CCBE1: variants seen among roughly 807,000 people sequenced by gnomAD.
The protein encoded by CCBE1 is collagen and calcium-binding EGF domain-containing protein 1.
A neutral mutation model predicts 50.0 loss-of-function variants in CCBE1; 37 were observed. The ratio of observed to expected loss-of-function variants is 0.74; its 90% CI spans 0.57 to 0.97. The LOEUF (loss-of-function observed/expected upper bound fraction) is 0.97, where lower values mean the gene tolerates loss of function less well. CCBE1 is among the 50% of genes least tolerant of loss of function. The pLI, the probability that CCBE1 is intolerant of heterozygous loss-of-function variation, is 0.00. For synonymous variants in CCBE1, 234 were observed against 203.7 expected (o/e 1.15, Z -1.27); for missense variants, 538 against 523.8 (o/e 1.03, Z -0.26).
At chr18:59,454,577 C>T (rs753408381) in intron 6 of CCBE1, among the ~76,000 whole-genome samples, 16 of 152,248 alleles carry the variant, frequency 1.1e-4, no homozygotes, top group Admixed American at 2.6e-4. Context: ...TTGCAATAGC[C>T]GTAGCTCACC....
At chr18:59,448,233 G>A (rs1910774615) in intron 6 of CCBE1, 130 bp from the exon 7 acceptor site, 2 of 1,330,254 alleles carry the variant, frequency 1.5e-6, no homozygotes, top group Non-Finnish European at 1.0e-6. Context: ...GAGCTAGTTA[G>A]AGCTCAGAGA....
intron 2 of CCBE1, among the ~76,000 whole-genome samples, chr18:59,542,533 T>C (rs918405848): frequency 2.0e-5 from 3 of 152,206 alleles, no homozygotes; most frequent in African/African-American, 4.8e-5. Flanking sequence ...AGTGATACTA[T>C]CAGCTTAATA....
At position 59,435,936 on chromosome 18, in the gene CCBE1, A is replaced by G. The variant is rs1490596112; in HGVS notation, c.1193T>C (p.Leu398Ser). Residue 398 changes from leucine (L) to serine (S), a missense_variant, in exon 11 of 11, where the codon TTG becomes TCG. Coordinates refer to ENST00000439986, the MANE Select transcript of CCBE1 (RefSeq NM_133459.4). ...TGGGTAGAAGTCTCTGGGGGCTCTC[A>G]AGTCTCTTGTCTCAGTTCTTCTTGG... is the stretch of plus-strand genomic sequence containing the variant. ...DHPRRTETRD[L>S]RAPRDFYP 6.2e-7 allele frequency: 1 copy of G among 1,614,078 alleles called. No homozygotes were observed.
chr18:59,559,817 T>C (rs746348231), intron 2 of CCBE1, among the ~76,000 whole-genome samples: 9 of 152,248 alleles, frequency 5.9e-5, no homozygotes, highest in Non-Finnish European at 1.3e-4. Context: ...GCACTGTGCA[T>C]GTCTCTCCCA....
intron 7 of CCBE1, among the ~76,000 whole-genome samples, chr18:59,447,709 G>T (rs553722760): frequency 2.7e-4 from 41 of 152,164 alleles, no homozygotes; most frequent in South Asian, 1.0e-3. Context: ...TTTTCATTTG[G>T]TTTTTTTAAC....
Position 59,448,044 on chromosome 18 carries a change from C to A in CCBE1, c.714G>T (p.Val238=). The A allele has an allele frequency of 6.2e-7, 1 of 1,614,158 alleles. No individual in the cohort carries two copies. The highest frequency in any genetic ancestry group is 8.5e-7 in the Non-Finnish European group (1 of 1,180,042). Residue 238 remains valine, a synonymous_variant, in exon 7 of 11, where the codon GTG becomes GTT. Transcript: ENST00000439986. ...DLGKYITGDK[V]LASNTYLPGP... ...CTGGAAGGTAGGTGTTTGAGGCCAG[C>A]ACCTTGTCACCAGTGATATACTTGC... is the stretch of plus-strand genomic sequence containing the variant.
intron 2 of CCBE1, among the ~76,000 whole-genome samples, chr18:59,642,086 ACAC>A (rs886435031): frequency 2.6e-5 from 4 of 152,224 alleles, no homozygotes; most frequent in African/African-American, 7.2e-5. Flanking sequence ...CATCAAAAAA[ACAC>A]CATAAACTTT....
intron 2 of CCBE1, among the ~76,000 whole-genome samples, chr18:59,597,714 T>C (rs62094362): frequency 1.3e-5 from 2 of 152,176 alleles, no homozygotes; most frequent in Admixed American, 1.3e-4. Context: ...TGTTTCTTCA[T>C]CTTTGGTCTC....
chr18:59,624,835 C>T (rs2053758978), intron 2 of CCBE1, among the ~76,000 whole-genome samples: 1 of 152,238 alleles, frequency 6.6e-6, no homozygotes, highest in Non-Finnish European at 1.5e-5. Flanking sequence ...ACCACCTGGG[C>T]TGTTTCTTTG....
At chr18:59,457,113 C>T (rs1037239457) in intron 5 of CCBE1, among the ~76,000 whole-genome samples, 1 of 152,184 alleles carries the variant, frequency 6.6e-6, no homozygotes, top group African/African-American at 2.4e-5. Flanking sequence ...TGAACCTCTG[C>T]AAAAGTGGCA....
At chr18:59,461,253 C>T (rs1045206753) in intron 5 of CCBE1, among the ~76,000 whole-genome samples, 9 of 151,702 alleles carry the variant, frequency 5.9e-5, no homozygotes, top group African/African-American at 1.2e-4. Context: ...TCCCCTTCCC[C>T]GCCACCACTG....
At chr18:59,497,407 C>T (rs189110931) in intron 2 of CCBE1, among the ~76,000 whole-genome samples, 15 of 152,252 alleles carry the variant, frequency 9.9e-5, no homozygotes, top group Middle Eastern at 3.4e-3. Context: ...AACAACATCA[C>T]GCCCTTTAAA....
intron 2 of CCBE1, among the ~76,000 whole-genome samples, chr18:59,658,347 AAAAAAAAATATATATATATATATAT>A (rs2054223603): frequency 8.8e-5 from 3 of 34,082 alleles, no homozygotes; most frequent in African/African-American, 1.3e-4. Flanking sequence ...AAAAAAAAAA[AAAAAAAAATATATATATATATATAT>A]ATATATATAT....
At chr18:59,565,084 G>A (rs542522681) in intron 2 of CCBE1, among the ~76,000 whole-genome samples, 3 of 152,348 alleles carry the variant, frequency 2.0e-5, no homozygotes, top group Admixed American at 2.0e-4. Flanking sequence ...GCACAGGGGA[G>A]AACAGACAGT....
At chr18:59,600,625 C>T (rs535695474) in intron 2 of CCBE1, among the ~76,000 whole-genome samples, 23 of 152,152 alleles carry the variant, frequency 1.5e-4, no homozygotes, top group South Asian at 1.2e-3. Flanking sequence ...ACAATTCACC[C>T]GGGTTAGCAA....
intron 2 of CCBE1, among the ~76,000 whole-genome samples, chr18:59,614,241 C>T (rs1441402874): frequency 1.3e-5 from 2 of 152,120 alleles, no homozygotes; most frequent in East Asian, 3.9e-4. Flanking sequence ...CTCAAATGAT[C>T]CACCTGCCTC....
At chr18:59,626,114 C>T (rs1372144036) in intron 2 of CCBE1, among the ~76,000 whole-genome samples, 2 of 152,148 alleles carry the variant, frequency 1.3e-5, no homozygotes, top group African/African-American at 4.8e-5. Context: ...AGTGGATAGT[C>T]CAAGATCTAT....
At chr18:59,436,684 C>T (rs1281290748) in intron 10 of CCBE1, among the ~76,000 whole-genome samples, 1 of 152,190 alleles carries the variant, frequency 6.6e-6, no homozygotes, top group Non-Finnish European at 1.5e-5. Flanking sequence ...AAAATGTTAT[C>T]TGGGCCAGGT....
intron 2 of CCBE1, among the ~76,000 whole-genome samples, chr18:59,674,377 C>A (rs572510688): frequency 4.6e-5 from 7 of 152,016 alleles, no homozygotes; most frequent in African/African-American, 1.7e-4. Context: ...GAACAGAAAA[C>A]CAAACGCAGC....
Sources: allele counts gnomAD v4.1 joint callset (sites outside exome capture counted in the v4.1 genomes callset), GRCh38; gene constraint gnomAD v4.1.1; transcripts MANE v1.5; gene names NCBI Gene and HGNC (gene_info 2026-07-23, HGNC 2026-07-21).